The following FAM184A variants were observed in gnomAD, a reference collection of about 807,000 sequenced individuals.
FAM184A encodes protein FAM184A.
FAM184A carries 99 observed loss-of-function variants against 143.8 expected under a neutral mutation model. The ratio of observed to expected loss-of-function variants is 0.69; its 90% CI spans 0.58 to 0.81. The LOEUF (loss-of-function observed/expected upper bound fraction) is 0.81, where lower values mean the gene tolerates loss of function less well. Ranked by LOEUF, FAM184A falls within the 40% of genes least tolerant of loss-of-function variation. FAM184A has a pLI of 0.00. For missense variants in FAM184A, 1,217 were observed against 1,310.5 expected (o/e 0.93, Z 1.10); for synonymous variants, 427 against 446.4 (o/e 0.96, Z 0.55).
At chr6:119,067,148 TAC>T (rs1787480852) in intron 1 of FAM184A, among the ~76,000 whole-genome samples, 2 of 152,200 alleles carry the variant, frequency 1.3e-5, no homozygotes, top group Admixed American at 1.3e-4. Flanking sequence ...ACAATTAACA[TAC>T]AAGGAAAGAA....
At chr6:119,061,226 G>A (rs1418195545) in intron 1 of FAM184A, among the ~76,000 whole-genome samples, 1 of 152,190 alleles carries the variant, frequency 6.6e-6, no homozygotes, top group Non-Finnish European at 1.5e-5. Flanking sequence ...TGCGGTATCG[G>A]AAAGCTAGAA....
intron 1 of FAM184A, among the ~76,000 whole-genome samples, chr6:119,122,897 C>T (rs1789260356): frequency 8.7e-6 from 1 of 115,128 alleles, no homozygotes; most frequent in Non-Finnish European, 1.7e-5. Context: ...TGTACTCCAG[C>T]CTGAGCAACG....
intron 9 of FAM184A, among the ~76,000 whole-genome samples, chr6:119,002,070 G>A (rs1348653591): frequency 6.6e-6 from 1 of 152,102 alleles, no homozygotes; most frequent in Non-Finnish European, 1.5e-5. Flanking sequence ...CAGGCCCCAA[G>A]TATTCTTGAA....
At chr6:119,132,965 G>A (rs184007696) in intron 1 of FAM184A, among the ~76,000 whole-genome samples, 2 of 152,322 alleles carry the variant, frequency 1.3e-5, no homozygotes, top group East Asian at 1.9e-4. Context: ...GTGAAATCAG[G>A]CAAAGAGCGA....
chr6:119,079,055 C>G (rs72953079), upstream of FAM184A: 8,562 of 152,358 alleles, frequency 0.056, 344 homozygotes, highest in East Asian at 0.2. Flanking sequence ...CACATGCGTC[C>G]TCGTGTGTGC....
intron 1 of FAM184A, among the ~76,000 whole-genome samples, chr6:119,114,744 G>A (rs1789016035): frequency 6.6e-6 from 1 of 152,170 alleles, no homozygotes; most frequent in Non-Finnish European, 1.5e-5. Context: ...GTTTCACCAT[G>A]TTGGCCAGGC....
intron 1 of FAM184A, among the ~76,000 whole-genome samples, chr6:119,093,080 C>T (rs1020761400): frequency 6.6e-6 from 1 of 152,144 alleles, no homozygotes; most frequent in Non-Finnish European, 1.5e-5. Context: ...TTCCCATTGA[C>T]CCTAGAAGGC....
In FAM184A at chr6:118,959,993, A is replaced by C; in HGVS notation, c.*110T>G. 1 of 753,668 alleles carries C rather than the reference A, an allele frequency of 1.3e-6. No homozygotes were observed. The highest frequency in any genetic ancestry group is 2.1e-6 in the Non-Finnish European group (1 of 476,172). The allele number at this position is 753,668 out of a possible 1,614,324, so 46.7% of individuals were successfully genotyped here. ...GTGCATTTTCAAGTTGGAGAGACAAATACTTTCTCATTCACAGTGTTTGAC... is the reference window on the plus strand; with the variant it reads ...GTGCATTTTCAAGTTGGAGAGACAACTACTTTCTCATTCACAGTGTTTGAC... On this transcript the variant is annotated 3_prime_UTR_variant, in exon 18 of 18. Transcript: ENST00000338891.
chr6:118,970,008 A>ATATATATATATATATATTT, intron 14 of FAM184A, among the ~76,000 whole-genome samples: 3 of 19,042 alleles, frequency 1.6e-4, no homozygotes, highest in Admixed American at 7.6e-4. Context: ...ATATATATAT[A>ATATATATATATATATATTT]TTTTTTTTTT....
chr6:119,111,371 C>T (rs538135563), intron 1 of FAM184A, among the ~76,000 whole-genome samples: 29 of 152,084 alleles, frequency 1.9e-4, no homozygotes, highest in South Asian at 1.2e-3. Context: ...GAAGAGGGAA[C>T]GGAGAGTCAG....
chr6:119,034,019 A>AAAATATAT (rs1562482530), intron 1 of FAM184A, among the ~76,000 whole-genome samples: 1 of 63,526 alleles, frequency 1.6e-5, no homozygotes, highest in Non-Finnish European at 2.6e-5. Context: ...AAAAAAAAAA[A>AAAATATAT]ATATATATAT....
rs1451444490 is a variant in FAM184A, at chr6:119,011,472, G to A, written c.1531-41C>T. 2.4e-6 allele frequency: 3 copies of A among 1,252,252 alleles called. No individual in the cohort carries two copies. In the East Asian group the frequency reaches 7.6e-5, roughly 32 times the overall value. The allele number at this position is 1,252,252 out of a possible 1,614,324, so 77.6% of individuals were successfully genotyped here. ...TTTTTAAAAATTAACAAAATTGCAA[G>A]TATTATATACTTTGAAGACTCTAAG... On this transcript the variant is annotated intron_variant, in intron 5 of 17. Transcript: ENST00000338891.
At chr6:119,072,419 T>A (rs1203275224) in intron 1 of FAM184A, among the ~76,000 whole-genome samples, 1 of 152,242 alleles carries the variant, frequency 6.6e-6, no homozygotes, top group Non-Finnish European at 1.5e-5. Context: ...AGCCAATTGC[T>A]ATGTTTTATG....
At position 119,098,824 on chromosome 6, in the gene FAM184A, C is replaced by T. The variant is rs137964872; in HGVS notation, c.-202+50254G>A. 2.3e-3 allele frequency among the ~76,000 whole-genome samples: 355 copies of T among 152,264 alleles called. 2 individuals carry two copies. Among genetic ancestry groups the T allele is most frequent in the Admixed American group, 7.7e-3 (118 of 15,298 alleles). On this transcript the variant is annotated intron_variant, in intron 1 of 16. Coordinates refer to the FAM184A transcript ENST00000352896. ...GAGTTTCTGAAAAACAACTCAGGTA[C>T]ATGTGTTAAGATGTTATCTTTAGGC...
At chr6:119,095,747 C>T (rs1244814206) in intron 1 of FAM184A, among the ~76,000 whole-genome samples, 2 of 152,124 alleles carry the variant, frequency 1.3e-5, no homozygotes, top group East Asian at 3.9e-4. Context: ...TTTATAGAGA[C>T]AGGGTCTTGC....
At chr6:119,119,528 C>G (rs1789154619) in intron 1 of FAM184A, among the ~76,000 whole-genome samples, 1 of 152,034 alleles carries the variant, frequency 6.6e-6, no homozygotes, top group East Asian at 1.9e-4. Flanking sequence ...GGCAGGTTCC[C>G]CTGATAATGA....
chr6:119,093,374 C>T (rs1413200368), intron 1 of FAM184A, among the ~76,000 whole-genome samples: 1 of 152,144 alleles, frequency 6.6e-6, no homozygotes, highest in Non-Finnish European at 1.5e-5. Context: ...TCCAGGAGTC[C>T]TTGATGGGAT....
rs757051704 is a variant in FAM184A, at chr6:119,024,007, T to C, written c.966A>G (p.Lys322=). The C allele has an allele frequency of 1.2e-6, 2 of 1,608,344 alleles. No individual in the cohort carries two copies. Among genetic ancestry groups the C allele is most frequent in the Admixed American group, 1.7e-5 (1 of 58,404 alleles). Residue 322 remains lysine (K), a synonymous_variant, in exon 2 of 18, where the codon AAA becomes AAG. Coordinates refer to ENST00000338891, the MANE Select transcript of FAM184A (RefSeq NM_024581.6). The part of the protein sequence containing the change: ...VQDEAGSLLD[K]CQKLQTALAI... ...CAAGTGCCGTCTGAAGCTTTTGGCA[T>C]TTGTCAAGAAGACTTCCAGCTTCAT... is the stretch of plus-strand genomic sequence containing the variant.
chr6:118,978,672 A>G (rs1199544014), intron 11 of FAM184A, among the ~76,000 whole-genome samples: 2 of 152,178 alleles, frequency 1.3e-5, no homozygotes, highest in East Asian at 1.9e-4. Flanking sequence ...CAAAATATTG[A>G]TAACACTTCA....
Sources: gnomAD v4.1 joint callset for allele counts (sites outside exome capture counted in the v4.1 genomes callset) on GRCh38, gnomAD v4.1.1 for gene constraint, MANE v1.5 for transcripts, NCBI Gene and HGNC (gene_info 2026-07-23, HGNC 2026-07-21) for gene names.